Variants in GRID2IP observed in about 807,000 individuals in gnomAD.
GRID2IP encodes delphilin.
Under a neutral mutation model 114.3 loss-of-function variants are expected in GRID2IP, and 78 were observed. The ratio of observed to expected loss-of-function variants is 0.68; its 90% CI spans 0.57 to 0.82. GRID2IP has a LOEUF of 0.82. Ranked by LOEUF, GRID2IP falls within the 40% of genes least tolerant of loss-of-function variation. The pLI is 0.00. For synonymous variants in GRID2IP, 809 were observed against 724.0 expected (o/e 1.12, Z -1.89); for missense variants, 1,727 against 1,678.5 (o/e 1.03, Z -0.51).
chr7:6,543,112 C>T (rs553499352), intron 1 of GRID2IP, among the ~76,000 whole-genome samples: 39 of 152,222 alleles, frequency 2.6e-4, no homozygotes, highest in African/African-American at 7.2e-4. Context: ...GGCCCACTTC[C>T]GGCCGGGTGC....
Position 6,536,417 on chromosome 7 carries a change from C to A in GRID2IP, c.584+3301G>T, listed in dbSNP as rs1372911257. On this transcript the variant is annotated intron_variant, in intron 2 of 21. Coordinates refer to ENST00000457091, the MANE Select transcript of GRID2IP (RefSeq NM_001145118.2). This position sits in a 1 kb window ranked among gnomAD's most constrained non-coding sequence, Gnocchi z 5.3. ...AGCGCGCCCAAGGGGGTTCCCCCTC[C>A]CGCGCCCTGCCCGACCCGCTGCCGC... 6.6e-6 allele frequency among the ~76,000 whole-genome samples: 1 copy of A among 152,248 alleles called. No individual in the cohort carries two copies. Among genetic ancestry groups the A allele is most frequent in the Non-Finnish European group, 1.5e-5 (1 of 68,038 alleles).
In GRID2IP at chr7:6,508,963, C is replaced by A. The variant is rs781294209; in HGVS notation, c.2122G>T (p.Glu708Ter). ...ACACCTGCTTGCGTGCCCACCTCCTCGTAGTCGTTCTCCGGGGTCAGGAAA... is the reference window on the plus strand; with the variant it reads ...ACACCTGCTTGCGTGCCCACCTCCTAGTAGTCGTTCTCCGGGGTCAGGAAA... ...DDFLTPENDY[E>*]EMSFHDDQGS... The change falls in exon 12 of 22, where the codon GAG becomes TAG. Residue 708 changes from glutamate (E) to a stop codon, truncating the protein, a stop_gained. Coordinates refer to ENST00000457091, the MANE Select transcript of GRID2IP (RefSeq NM_001145118.2). LOFTEE classifies it high-confidence loss of function. The surrounding 1 kb of genome is among the most constrained non-coding windows in gnomAD (Gnocchi z 5.6). 27 of 1,546,332 alleles carry A rather than the reference C, an allele frequency of 1.7e-5. No homozygotes were observed. Among genetic ancestry groups the A allele is most frequent in the Non-Finnish European group, 2.4e-5 (27 of 1,146,536 alleles).
chr7:6,550,306 G>C (rs567971165), intron 1 of GRID2IP, among the ~76,000 whole-genome samples: 7 of 152,008 alleles, frequency 4.6e-5, no homozygotes, highest in African/African-American at 1.7e-4. Context: ...CTAATGGGGA[G>C]GATAGACAGA....
chr7:6,514,406 G>A lies in GRID2IP; in HGVS notation c.1392C>T (p.Ile464=), dbSNP rs1389077473. ...YEEQELCQEK[I]ACFLGYTAMT... Reference sequence around the variant, plus strand: ...TGGCCGTGTAGCCCAGGAAGCATGCGATTTTCTCCTGACAGAGCTCCTGCT... The same window carrying A: ...TGGCCGTGTAGCCCAGGAAGCATGCAATTTTCTCCTGACAGAGCTCCTGCT... Residue 464 remains isoleucine, a synonymous_variant, in exon 8 of 22, where the codon ATC becomes ATT. Transcript: ENST00000457091. 2.8e-5 allele frequency: 43 copies of A among 1,543,856 alleles called. No homozygotes were observed. Among genetic ancestry groups the A allele is most frequent in the Non-Finnish European group, 3.6e-5 (41 of 1,142,632 alleles).
At position 6,507,856 on chromosome 7, in the gene GRID2IP, C is replaced by T. The variant is rs754334921; in HGVS notation, c.2544+129G>A. On this transcript the variant is annotated intron_variant, in intron 13 of 21. Transcript: ENST00000457091. This position sits in a 1 kb window ranked among gnomAD's most constrained non-coding sequence, Gnocchi z 5.3. ...GTGGGGACGTTCTTGGGCTGGGCCT[C>T]TACTCATCCTCTGCTTGGGGTAGGG... 3 of 1,397,928 alleles carry T rather than the reference C, an allele frequency of 2.1e-6. No homozygotes were observed. Among genetic ancestry groups the T allele is most frequent in the Non-Finnish European group, 2.8e-6 (3 of 1,053,912 alleles). 86.6% of individuals were successfully genotyped at this position (1,397,928 alleles called of 1,614,324 possible).
chr7:6,505,323 C>A (rs889472224), intron 14 of GRID2IP, among the ~76,000 whole-genome samples: 1 of 150,782 alleles, frequency 6.6e-6, no homozygotes. Flanking sequence ...AAATGAGAGT[C>A]CCTGGTGTTT....
chr7:6,501,945 C>G, intron 19 of GRID2IP, 44 bp downstream of exon 19: 1 of 1,550,888 alleles, frequency 6.4e-7, no homozygotes, highest in South Asian at 1.2e-5. Context: ...TCTCCCAGCC[C>G]AGGACAGCAT....
At position 6,549,429 on chromosome 7, in the gene GRID2IP, A is replaced by C. The variant is rs574066840; in HGVS notation, c.429+1579T>G. On this transcript the variant is annotated intron_variant, in intron 1 of 21. Transcript: ENST00000457091. ...CATTCTTAATCTTCAGGACCACGCT[A>C]ATATTCCACCTGCAGTCTATCACAG... Among the ~76,000 whole-genome samples the C allele has an allele frequency of 2.6e-5, 4 of 152,278 alleles. No homozygotes were observed. In the South Asian group the frequency reaches 8.3e-4, roughly 32 times the overall value.
intron 7 of GRID2IP, among the ~76,000 whole-genome samples, chr7:6,515,356 G>A (rs1475780534): frequency 6.6e-6 from 1 of 152,108 alleles, no homozygotes; most frequent in African/African-American, 2.4e-5. Context: ...CAGCTACTCA[G>A]GAGGCTGAAG....
chr7:6,536,740 C>A lies in GRID2IP; in HGVS notation c.584+2978G>T, dbSNP rs1167233731. The A allele has an allele frequency of 1.4e-6, 1 of 697,556 alleles. No individual in the cohort carries two copies. The highest frequency in any genetic ancestry group is 2.6e-6 in the Non-Finnish European group (1 of 381,586). 43.2% of individuals were successfully genotyped at this position (697,556 alleles called of 1,614,324 possible). ...CAGGAAGCGCTCAGAGCCAGCGCAT[C>A]ATCTCCGCGGCAAATTCGGCTCTAG... is the stretch of plus-strand genomic sequence containing the variant. On this transcript the variant is annotated intron_variant, in intron 2 of 21. Transcript: ENST00000457091. The surrounding 1 kb of genome is among the most constrained non-coding windows in gnomAD (Gnocchi z 5.3).
At chr7:6,529,027 G>A (rs912996553) in intron 2 of GRID2IP, among the ~76,000 whole-genome samples, 2 of 152,100 alleles carry the variant, frequency 1.3e-5, no homozygotes, top group African/African-American at 4.8e-5. Context: ...ACACACACCT[G>A]AGACTGTCCA....
chr7:6,508,533 A>G lies in GRID2IP; in HGVS notation c.2128-132T>C, dbSNP rs901404402. 2 of 1,420,018 alleles carry G rather than the reference A, an allele frequency of 1.4e-6. No individual in the cohort carries two copies. The highest frequency in any genetic ancestry group is 2.8e-5 in the African/African-American group (2 of 70,190). The allele number at this position is 1,420,018 out of a possible 1,614,324, so 88.0% of individuals were successfully genotyped here. Reference sequence around the variant, plus strand: ...TCTCACGGGTTAGCCTCAGGCTGTGAGGGACACCTGGGCTAAGGATAGGAC... The same window carrying G: ...TCTCACGGGTTAGCCTCAGGCTGTGGGGGACACCTGGGCTAAGGATAGGAC... On this transcript the variant is annotated intron_variant, in intron 12 of 21. Transcript: ENST00000457091. The surrounding 1 kb of genome is among the most constrained non-coding windows in gnomAD (Gnocchi z 5.6).
At chr7:6,537,360 A>ATGGT (rs999460043) in intron 2 of GRID2IP, among the ~76,000 whole-genome samples, 2 of 128,394 alleles carry the variant, frequency 1.6e-5, no homozygotes, top group Non-Finnish European at 3.2e-5. Flanking sequence ...CCTGGCAAAT[A>ATGGT]TGGTGAGACC....
rs1779510838 is a variant in GRID2IP at position 6,526,385 on chromosome 7, C to T, written c.834-76G>A. 6.7e-7 allele frequency: 1 copy of T among 1,501,062 alleles called. No individual in the cohort carries two copies. The highest frequency in any genetic ancestry group is 1.4e-5 in the African/African-American group (1 of 72,224). The allele number at this position is 1,501,062 out of a possible 1,614,324, so 93.0% of individuals were successfully genotyped here. On this transcript the variant is annotated intron_variant, in intron 3 of 21. Coordinates refer to ENST00000457091, the MANE Select transcript of GRID2IP (RefSeq NM_001145118.2). The surrounding 1 kb of genome is among the most constrained non-coding windows in gnomAD (Gnocchi z 7.6). ...CGCAGAGGTTGGAGATGTCCCGTGT[C>T]CCTCTCCCCTTAACCTCTCCGGCCC...
At position 6,509,250 on chromosome 7, in the gene GRID2IP, T is replaced by C. The variant is rs369168198; in HGVS notation, c.1835A>G (p.His612Arg). Residue 612 changes from histidine to arginine, a missense_variant, in exon 12 of 22, where the codon CAC (histidine) becomes CGC (arginine). Coordinates refer to ENST00000457091, the MANE Select transcript of GRID2IP (RefSeq NM_001145118.2). The surrounding 1 kb of genome is among the most constrained non-coding windows in gnomAD (Gnocchi z 4.9). ...SERLLPSPCY[H>R]PLCSGGLASP... ...GGCCAGACCCCCCGAACACAGCGGG[T>C]GGTAGCAGGGGGAGGGCAAGAGTCG... 6.6e-7 allele frequency: 1 copy of C among 1,523,004 alleles called. No individual in the cohort carries two copies. Among genetic ancestry groups the C allele is most frequent in the Non-Finnish European group, 8.8e-7 (1 of 1,133,300 alleles). The allele number at this position is 1,523,004 out of a possible 1,614,324, so 94.3% of individuals were successfully genotyped here.
chr7:6,532,628 G>A lies in GRID2IP; in HGVS notation c.585-5859C>T, dbSNP rs1410383968. Reference sequence around the variant, plus strand: ...AAGCCCTGTCCTCAGCCCTGCAAGGGAGAGAAGCAGCTGACAAGCCTCCCA... The same window carrying A: ...AAGCCCTGTCCTCAGCCCTGCAAGGAAGAGAAGCAGCTGACAAGCCTCCCA... On this transcript the variant is annotated intron_variant, in intron 2 of 21. Transcript: ENST00000457091. The surrounding 1 kb of genome is among the most constrained non-coding windows in gnomAD (Gnocchi z 4.4). Among the ~76,000 whole-genome samples the A allele has an allele frequency of 6.6e-6, 1 of 152,206 alleles. No homozygotes were observed. The highest frequency in any genetic ancestry group is 6.5e-5 in the Admixed American group (1 of 15,272).
intron 7 of GRID2IP, among the ~76,000 whole-genome samples, chr7:6,515,336 C>T (rs1779273468): frequency 6.6e-6 from 1 of 152,062 alleles, no homozygotes; most frequent in Non-Finnish European, 1.5e-5. Flanking sequence ...GTGGCATGTA[C>T]CCTCAGTCCC....
chr7:6,541,918 T>C (rs1779819848), intron 1 of GRID2IP, among the ~76,000 whole-genome samples: 1 of 152,164 alleles, frequency 6.6e-6, no homozygotes, highest in Admixed American at 6.6e-5. Context: ...TTGGCAGCAA[T>C]ATAAATATCT....
At chr7:6,511,345 G>A (rs561862294) in intron 8 of GRID2IP, among the ~76,000 whole-genome samples, 1 of 152,206 alleles carries the variant, frequency 6.6e-6, no homozygotes, top group African/African-American at 2.4e-5. Flanking sequence ...CCAAGTCACT[G>A]CTGCCCAGAG....
Sources: allele counts gnomAD v4.1 joint callset (sites outside exome capture counted in the v4.1 genomes callset), GRCh38; gene constraint gnomAD v4.1.1; non-coding constraint Gnocchi (gnomAD v3.1); transcripts MANE v1.5; gene names NCBI Gene and HGNC (gene_info 2026-07-23, HGNC 2026-07-21).